Variants in BLK observed in about 807,000 individuals in gnomAD.
The protein encoded by BLK is BLK proto-oncogene, Src family tyrosine kinase.
Under a neutral mutation model 61.8 loss-of-function variants are expected in BLK, and 64 were observed. That is an observed-to-expected ratio of 1.03 (90% CI 0.85 to 1.27). The LOEUF (loss-of-function observed/expected upper bound fraction) is 1.27, where lower values mean the gene tolerates loss of function less well. BLK is among the 50% of genes most tolerant of loss of function. The pLI is 0.00. For missense variants in BLK, 853 were observed against 660.5 expected (o/e 1.29, Z -3.19); for synonymous variants, 351 against 272.0 (o/e 1.29, Z -2.86).
At chr8:11,558,832 C>T in intron 10 of BLK, 3 of 452,004 alleles carry the variant, frequency 6.6e-6, no homozygotes, top group Non-Finnish European at 1.3e-5. Flanking sequence ...TACACACACA[C>T]ATACAGCTGC....
chr8:11,541,768 G>C (rs1228299229), intron 1 of BLK, among the ~76,000 whole-genome samples: 1 of 152,078 alleles, frequency 6.6e-6, no homozygotes, highest in Non-Finnish European at 1.5e-5. Context: ...AAAGTGCTGG[G>C]ATTACAGGTG....
At chr8:11,499,652 G>A (rs1798483296) in intron 1 of BLK, among the ~76,000 whole-genome samples, 1 of 152,246 alleles carries the variant, frequency 6.6e-6, no homozygotes, top group African/African-American at 2.4e-5. Context: ...GAAGCCCAGA[G>A]AGGATGACTC....
chr8:11,562,888 G>A, intron 11 of BLK, 91 bp from the exon 12 acceptor site: 2 of 1,581,000 alleles, frequency 1.3e-6, no homozygotes, highest in Non-Finnish European at 8.6e-7. Context: ...GGGGCTTGAT[G>A]GAAGGACAGC....
At chr8:11,521,431 C>T (rs116624998) in intron 1 of BLK, among the ~76,000 whole-genome samples, 16 of 152,304 alleles carry the variant, frequency 1.1e-4, no homozygotes, top group African/African-American at 3.6e-4. Flanking sequence ...GCTGGGACTA[C>T]AGGCGTACAT....
chr8:11,502,925 C>G (rs1223849387), intron 1 of BLK, among the ~76,000 whole-genome samples: 1 of 152,178 alleles, frequency 6.6e-6, no homozygotes, highest in Non-Finnish European at 1.5e-5. Context: ...GCTGTCATGT[C>G]CCTACACCAG....
At chr8:11,518,506 C>G (rs1299221692) in intron 1 of BLK, among the ~76,000 whole-genome samples, 2 of 152,088 alleles carry the variant, frequency 1.3e-5, no homozygotes, top group Non-Finnish European at 2.9e-5. Flanking sequence ...AGGTCACTGT[C>G]ACGCTGTTGC....
At chr8:11,554,976 G>C in intron 7 of BLK, 87 bp downstream of exon 7, 1 of 1,544,622 alleles carries the variant, frequency 6.5e-7, no homozygotes, top group Non-Finnish European at 8.7e-7. Context: ...TGAGTCATTG[G>C]TGCCACCTTG....
intron 1 of BLK, among the ~76,000 whole-genome samples, chr8:11,517,112 G>A (rs1053749339): frequency 6.6e-6 from 1 of 152,182 alleles, no homozygotes; most frequent in African/African-American, 2.4e-5. Context: ...CTGCCTTTGG[G>A]AATAGGCAGG....
At chr8:11,555,509 A>T (rs1301417364) in intron 8 of BLK, 25 bp downstream of exon 8, 1 of 1,613,698 alleles carries the variant, frequency 6.2e-7, no homozygotes, top group Non-Finnish European at 8.5e-7. Flanking sequence ...ACGTGGGAGC[A>T]TTTCTCCCCC....
intron 1 of BLK, among the ~76,000 whole-genome samples, chr8:11,541,500 CTTT>C (rs145013879): frequency 2.1e-5 from 3 of 145,864 alleles, no homozygotes; most frequent in Middle Eastern, 3.5e-3. Flanking sequence ...GTCTCTCTCT[CTTT>C]TTTTTTTTTT....
Position 11,555,922 on chromosome 8 carries a change from G to A in BLK, c.772+438G>A, listed in dbSNP as rs369314832. 22 of 322,568 alleles carry A rather than the reference G, an allele frequency of 6.8e-5. No individual in the cohort carries two copies. The East Asian group carries it at 1.7e-3, about 25-fold the overall frequency. 20.0% of individuals were successfully genotyped at this position (322,568 alleles called of 1,614,324 possible). A position where few individuals can be genotyped will look rare whatever the true frequency, so the allele number is the denominator to read the frequency against. ...GCCAAGTCACTGAAGCTCCAGGCCT[G>A]GTGTCCTCACATTTCCATCGCTGCT... On this transcript the variant is annotated intron_variant, in intron 8 of 12. Coordinates refer to ENST00000259089, the MANE Select transcript of BLK (RefSeq NM_001715.3).
At chr8:11,546,021 A>G in intron 2 of BLK, 31 bp from the exon 3 acceptor site, 1 of 1,612,838 alleles carries the variant, frequency 6.2e-7, no homozygotes, top group Non-Finnish European at 8.5e-7. Flanking sequence ...GCAGGGACTG[A>G]AATAACTCAA....
At chr8:11,546,157 C>T in intron 3 of BLK, 54 bp downstream of exon 3, 2 of 1,597,618 alleles carry the variant, frequency 1.3e-6, no homozygotes, top group Non-Finnish European at 1.7e-6. Context: ...CCCTAGGTGG[C>T]AGCTTTGTGG....
intron 1 of BLK, among the ~76,000 whole-genome samples, chr8:11,517,621 G>C (rs1051168283): frequency 6.6e-6 from 1 of 152,250 alleles, no homozygotes; most frequent in African/African-American, 2.4e-5. Context: ...TTTCTCAGGT[G>C]TGTGGGAGGA....
chr8:11,510,226 G>T (rs1419833940), intron 1 of BLK, among the ~76,000 whole-genome samples: 1 of 152,170 alleles, frequency 6.6e-6, no homozygotes, highest in East Asian at 1.9e-4. Flanking sequence ...CTGGCGTGGG[G>T]TAAGCTTTAA....
At chr8:11,515,477 C>T (rs985807660) in intron 1 of BLK, among the ~76,000 whole-genome samples, 42 of 152,132 alleles carry the variant, frequency 2.8e-4, no homozygotes, top group Non-Finnish European at 3.5e-4. Context: ...AGCCGGCGCA[C>T]AGGGGTCCTC....
In BLK at chr8:11,546,063, C is replaced by A; in HGVS notation, c.135C>A (p.Asn45Lys). The A allele has an allele frequency of 1.9e-6, 3 of 1,614,196 alleles. No homozygotes were observed. Among genetic ancestry groups the A allele is most frequent in the Non-Finnish European group, 2.5e-6 (3 of 1,180,026 alleles). Reference sequence around the variant, plus strand: ...GTTTTCTACCCAAGGTTGTCTTCAACCACCTTACTCCTCCACCGCCCGATG... The same window carrying A: ...GTTTTCTACCCAAGGTTGTCTTCAAACACCTTACTCCTCCACCGCCCGATG... ...APPLPPLVVF[N>K]HLTPPPPDEH... is the part of the protein sequence containing the mutation. The change falls in exon 3 of 13, where the codon AAC becomes AAA. Residue 45 changes from asparagine (N) to lysine (K), a missense_variant. Asn to Lys is a moderately conservative substitution (Grantham distance 94). Transcript: ENST00000259089.
chr8:11,528,767 G>C (rs11250144), intron 1 of BLK, among the ~76,000 whole-genome samples: 41,260 of 152,130 alleles, frequency 0.27, 7,373 homozygotes, highest in East Asian at 0.7. Flanking sequence ...AAAATAATGA[G>C]CCGTAAAAAG....
intron 1 of BLK, among the ~76,000 whole-genome samples, 193 bp from the exon 2 acceptor site, chr8:11,543,031 C>G (rs1334240848): frequency 2.6e-5 from 4 of 152,084 alleles, no homozygotes; most frequent in African/African-American, 9.7e-5. Flanking sequence ...TGTATGGGCC[C>G]CCGAAAAAAG....
Sources: allele counts gnomAD v4.1 joint callset (sites outside exome capture counted in the v4.1 genomes callset), GRCh38; gene constraint gnomAD v4.1.1; transcripts MANE v1.5; gene names NCBI Gene and HGNC (gene_info 2026-07-23, HGNC 2026-07-21).